The following ANK2 variants were observed in gnomAD, a reference collection of about 807,000 sequenced individuals.
ANK2 encodes ankyrin-2.
Under a neutral mutation model 360.5 loss-of-function variants are expected in ANK2, and 83 were observed. The ratio of observed to expected loss-of-function variants is 0.23; its 90% CI spans 0.19 to 0.28. ANK2 has a LOEUF of 0.28. Among genes scored for constraint, ANK2 ranks in the 10% least tolerant of loss-of-function variants. The probability of loss-of-function intolerance (pLI) is 1.00; values close to 1 mark genes in which losing one functional copy is unlikely to be tolerated. For missense variants in ANK2, 4,201 were observed against 4,795.7 expected (o/e 0.88, Z 3.66); for synonymous variants, 1,740 against 1,759.5 (o/e 0.99, Z 0.28).
intron 1 of ANK2, among the ~76,000 whole-genome samples, chr4:112,858,932 A>G (rs868161312): frequency 5.9e-5 from 9 of 152,234 alleles, no homozygotes; most frequent in East Asian, 1.9e-4. Flanking sequence ...ACAAGTCTCA[A>G]TGAAACAATG....
chr4:112,974,941 A>G (rs1210512233), intron 2 of ANK2, among the ~76,000 whole-genome samples: 1 of 152,150 alleles, frequency 6.6e-6, no homozygotes, highest in Non-Finnish European at 1.5e-5. Context: ...ATAGAAAGGA[A>G]TTTTTCAGGT....
chr4:113,031,266 A>G (rs2060341623), intron 2 of ANK2: 1 of 152,074 alleles, frequency 6.6e-6, no homozygotes. Flanking sequence ...GAAAAAAATT[A>G]CTTTTATAAT....
At chr4:113,299,796 A>G (rs1390736902) in intron 22 of ANK2, among the ~76,000 whole-genome samples, 3 of 152,070 alleles carry the variant, frequency 2.0e-5, no homozygotes, top group Admixed American at 1.3e-4. Flanking sequence ...TGCAATTTAT[A>G]TACTTTCCCT....
chr4:112,822,800 T>C (rs1207781010), intron 1 of ANK2, among the ~76,000 whole-genome samples: 1 of 151,736 alleles, frequency 6.6e-6, no homozygotes, highest in East Asian at 1.9e-4. Flanking sequence ...ATTTAAAAGA[T>C]GTTTAATTCA....
chr4:113,143,758 A>G (rs1240044183), intron 1 of ANK2, among the ~76,000 whole-genome samples: 1 of 152,198 alleles, frequency 6.6e-6, no homozygotes, highest in Admixed American at 6.5e-5. Context: ...TTATAGAAGG[A>G]GACAAAAAAG....
chr4:113,249,808 C>T lies in ANK2; in HGVS notation c.936C>T (p.Asp312=), dbSNP rs767562838. 6.2e-7 allele frequency: 1 copy of T among 1,614,158 alleles called. No individual in the cohort carries two copies. The highest frequency in any genetic ancestry group is 8.5e-7 in the Non-Finnish European group (1 of 1,180,036). ...ACTGTGCTGCACGAAGTGGGCATGA[C>T]CAAGTGGTGGAACTTCTGTTGGAAC... The part of the protein sequence containing the change: ...PLHCAARSGH[D]QVVELLLERG... Residue 312 remains aspartate (D), a synonymous_variant, in exon 10 of 46, where the codon GAC becomes GAT. Coordinates refer to ENST00000357077, the MANE Select transcript of ANK2 (RefSeq NM_001148.6).
chr4:113,046,606 A>G (rs1579935434), upstream of ANK2, among the ~76,000 whole-genome samples: 1 of 152,104 alleles, frequency 6.6e-6, no homozygotes, highest in African/African-American at 2.4e-5. Context: ...GGAAGAAGAG[A>G]CCTGGCCCTC....
At chr4:113,072,765 T>TTTTTTTTTG (rs142762570) in intron 1 of ANK2, among the ~76,000 whole-genome samples, 12 of 121,244 alleles carry the variant, frequency 9.9e-5, no homozygotes, top group East Asian at 2.3e-4. Flanking sequence ...TTTTTTTTTT[T>TTTTTTTTTG]GCTGTCTTGT....
At chr4:113,170,661 A>C (rs2097912251) in intron 1 of ANK2, among the ~76,000 whole-genome samples, 1 of 151,968 alleles carries the variant, frequency 6.6e-6, no homozygotes, top group Non-Finnish European at 1.5e-5. Flanking sequence ...TTGGGTCAGC[A>C]CTCCTTGGGG....
chr4:113,339,137 G>A (rs2093953704), intron 31 of ANK2, 89 bp from the exon 32 acceptor site: 3 of 1,100,862 alleles, frequency 2.7e-6, no homozygotes, highest in African/African-American at 3.1e-5. Context: ...GTGGGATTTG[G>A]CTTGTGAACA....
At chr4:112,825,782 C>CA (rs2058297931) in intron 1 of ANK2, among the ~76,000 whole-genome samples, 1 of 152,084 alleles carries the variant, frequency 6.6e-6, no homozygotes, top group Non-Finnish European at 1.5e-5. Context: ...GAAGAGTAGA[C>CA]AGTTGTGGAA....
intron 5 of ANK2, among the ~76,000 whole-genome samples, chr4:113,236,028 G>A (rs1283770995): frequency 1.3e-5 from 2 of 152,132 alleles, no homozygotes; most frequent in Admixed American, 6.5e-5. Context: ...GTGAGCCACC[G>A]TGCCTGGCCC....
intron 2 of ANK2, among the ~76,000 whole-genome samples, chr4:113,184,048 C>G (rs1310576031): frequency 6.8e-6 from 1 of 146,362 alleles, no homozygotes; most frequent in East Asian, 2.0e-4. Flanking sequence ...GACACTGCTT[C>G]CCTGAAGTCT....
At chr4:112,969,799 C>T (rs1390465808) in intron 2 of ANK2, among the ~76,000 whole-genome samples, 1 of 152,126 alleles carries the variant, frequency 6.6e-6, no homozygotes, top group Non-Finnish European at 1.5e-5. Flanking sequence ...TCAGCAATCT[C>T]CTTTTATATT....
the ANK2 span, among the ~76,000 whole-genome samples, chr4:112,810,598 C>T: frequency 6.6e-6 from 1 of 152,158 alleles, no homozygotes; most frequent in Non-Finnish European, 1.5e-5. Context: ...GTCACCCAGG[C>T]TGGAGTGCAA....
At chr4:113,192,701 T>C (rs1245672619) in intron 2 of ANK2, among the ~76,000 whole-genome samples, 1 of 152,166 alleles carries the variant, frequency 6.6e-6, no homozygotes, top group Non-Finnish European at 1.5e-5. Flanking sequence ...AAATATGCTG[T>C]AATATAATAT....
chr4:113,158,191 T>A lies in ANK2; in HGVS notation c.85-16225T>A, dbSNP rs184619827. Among the ~76,000 whole-genome samples the A allele has an allele frequency of 2.4e-3, 371 of 152,276 alleles. 2 individuals carry two copies. The highest frequency in any genetic ancestry group is 8.6e-3 in the African/African-American group (359 of 41,548). On this transcript the variant is annotated intron_variant, in intron 1 of 45. Transcript: ENST00000357077. ...GTTGTGTAGGAAAAAATTCAAACAT[T>A]TCAGTGAGGAATCACTGAAACTGAA...
chr4:112,871,885 G>A (rs1221541794), intron 1 of ANK2, among the ~76,000 whole-genome samples: 1 of 152,122 alleles, frequency 6.6e-6, no homozygotes, highest in African/African-American at 2.4e-5. Flanking sequence ...CTGTTGATAT[G>A]GCATATTACA....
At chr4:113,025,684 ATGAG>A (rs1432864959) in intron 2 of ANK2, among the ~76,000 whole-genome samples, 1 of 152,160 alleles carries the variant, frequency 6.6e-6, no homozygotes, top group Admixed American at 6.6e-5. Context: ...TGAATGGCTA[ATGAG>A]TACCTCTCTC....
Sources: gnomAD v4.1 joint callset for allele counts (sites outside exome capture counted in the v4.1 genomes callset) on GRCh38, gnomAD v4.1.1 for gene constraint, MANE v1.5 for transcripts, NCBI Gene and HGNC (gene_info 2026-07-23, HGNC 2026-07-21) for gene names.